PTPRB: variants seen among roughly 807,000 people sequenced by gnomAD.
The protein encoded by PTPRB is receptor-type tyrosine-protein phosphatase beta.
A neutral mutation model predicts 238.1 loss-of-function variants in PTPRB; 97 were observed. The ratio of observed to expected loss-of-function variants is 0.41; its 90% CI spans 0.35 to 0.48. The LOEUF is 0.48. Ranked by LOEUF, PTPRB falls within the 20% of genes least tolerant of loss-of-function variation. The pLI is 0.30. For synonymous variants in PTPRB, 970 were observed against 995.4 expected (o/e 0.97, Z 0.48); for missense variants, 2,292 against 2,681.9 (o/e 0.85, Z 3.21).
intron 31 of PTPRB, among the ~76,000 whole-genome samples, chr12:70,534,185 C>G (rs948476949): frequency 2.0e-5 from 3 of 152,080 alleles, no homozygotes; most frequent in African/African-American, 7.2e-5. Flanking sequence ...TGATGGAAAG[C>G]ATGGAATTCC....
At position 70,610,650 on chromosome 12, in the gene PTPRB, C is replaced by T. The variant is rs77422728; in HGVS notation, c.709-1311G>A. ...GACCCCAAAAGGATTGTCAGCTTGA[C>T]CATTCTTTTCTCCCAATCACTTTCC... On this transcript the variant is annotated intron_variant, in intron 3 of 33. Transcript: ENST00000334414. Among the ~76,000 whole-genome samples, 336 of 152,262 alleles carry T rather than the reference C, an allele frequency of 2.2e-3. 3 individuals are homozygous for T. Among genetic ancestry groups the T allele is most frequent in the African/African-American group, 6.9e-3 (285 of 41,544 alleles).
At chr12:70,624,489 A>G (rs1028580298) in intron 2 of PTPRB, among the ~76,000 whole-genome samples, 3 of 152,178 alleles carry the variant, frequency 2.0e-5, no homozygotes, top group South Asian at 2.1e-4. Context: ...TGTTTTCTAC[A>G]TGACAAACTC....
chr12:70,596,256 T>A lies in PTPRB; in HGVS notation c.1051A>T (p.Thr351Ser). 1 of 1,611,336 alleles carries A rather than the reference T, an allele frequency of 6.2e-7. No homozygotes were observed. The highest frequency in any genetic ancestry group is 2.2e-5 in the East Asian group (1 of 44,758). ...TTSTSLHVWW[T>S]PSSGKVTSYE... is the part of the protein sequence containing the mutation. Reference sequence around the variant, plus strand: ...GAGGTGACTTTTCCGGAAGAAGGAGTCCACCAAACATGCAAGCTGGTTGAA... The same window carrying A: ...GAGGTGACTTTTCCGGAAGAAGGAGACCACCAAACATGCAAGCTGGTTGAA... Residue 351 changes from threonine (T) to serine (S), a missense_variant, in exon 5 of 34, where the codon ACT becomes TCT. Around this residue, in one of 4 missense-constraint regions of PTPRB, gnomAD observed 1,205 missense variants for 1,287.8 expected, o/e 0.94. Coordinates refer to ENST00000334414, the MANE Select transcript of PTPRB (RefSeq NM_001109754.4).
In PTPRB at chr12:70,560,765, C is replaced by A; in HGVS notation, c.4338G>T (p.Arg1446=). 1 of 1,613,978 alleles carries A rather than the reference C, an allele frequency of 6.2e-7. No homozygotes were observed. Among genetic ancestry groups the A allele is most frequent in the Non-Finnish European group, 8.5e-7 (1 of 1,179,884 alleles). ...TCCTTCCAGGAACAAGGCCTTGAAA[C>A]CGCCACTCCGTCAGGTCCTTGTCTT... ...NWKDKDLTEW[R]FQGLVPGRKY... The change falls in exon 17 of 34, where the codon CGG becomes CGT. Residue 1446 remains arginine, a synonymous_variant. Transcript: ENST00000334414. This position sits in a 1 kb window ranked among gnomAD's most constrained non-coding sequence, Gnocchi z 4.2.
intron 13 of PTPRB, among the ~76,000 whole-genome samples, chr12:70,570,209 GT>G (rs1328522031): frequency 3.9e-5 from 6 of 152,108 alleles, no homozygotes; most frequent in African/African-American, 7.2e-5. Context: ...CCAAGTTTTG[GT>G]TTTCTCACTC....
Position 70,544,671 on chromosome 12 carries a change from G to A in PTPRB, c.5388-8C>T. On this transcript the variant is annotated splice_polypyrimidine_tract_variant and splice_region_variant and intron_variant, in intron 21 of 33. Coordinates refer to ENST00000334414, the MANE Select transcript of PTPRB (RefSeq NM_001109754.4). Reference sequence around the variant, plus strand: ...AAAGCTCGAATGCTGATTCTGAAAAGAAAACCGATTTATTTAAATATAAAT... The same window carrying A: ...AAAGCTCGAATGCTGATTCTGAAAAAAAAACCGATTTATTTAAATATAAAT... The A allele has an allele frequency of 6.5e-7, 1 of 1,545,742 alleles. No homozygotes were observed. The highest frequency in any genetic ancestry group is 8.7e-7 in the Non-Finnish European group (1 of 1,146,200).
intron 32 of PTPRB, among the ~76,000 whole-genome samples, chr12:70,530,031 T>A (rs1384277557): frequency 6.6e-6 from 1 of 152,044 alleles, no homozygotes; most frequent in Non-Finnish European, 1.5e-5. Flanking sequence ...TGTGGGAAAA[T>A]CTGCCGAAGA....
At chr12:70,586,529 T>C (rs1368631135) in intron 9 of PTPRB, among the ~76,000 whole-genome samples, 2 of 152,178 alleles carry the variant, frequency 1.3e-5, no homozygotes, top group Non-Finnish European at 2.9e-5. Flanking sequence ...CTAAAGCCAA[T>C]TCCTTCACTT....
intron 4 of PTPRB, among the ~76,000 whole-genome samples, chr12:70,603,593 G>A (rs1566002476): frequency 6.6e-6 from 1 of 152,116 alleles, no homozygotes; most frequent in African/African-American, 2.4e-5. Flanking sequence ...GTGTGAATTC[G>A]TAAACATTGT....
At chr12:70,561,286 T>C (rs1288044182) in intron 16 of PTPRB, among the ~76,000 whole-genome samples, 2 of 152,162 alleles carry the variant, frequency 1.3e-5, no homozygotes, top group Non-Finnish European at 2.9e-5. Flanking sequence ...GCCTATCTCA[T>C]TGCAGCCACC....
At chr12:70,542,747 C>T (rs868705957) in intron 22 of PTPRB, 8 of 143,522 alleles carry the variant, frequency 5.6e-5, no homozygotes, top group African/African-American at 1.8e-4. Flanking sequence ...ATTAGCCAGG[C>T]GTGGTGGCGG....
In PTPRB at chr12:70,522,859, T is replaced by C. The variant is rs1871807729; in HGVS notation, c.6626-1348A>G. 7.7e-5 allele frequency among the ~76,000 whole-genome samples: 9 copies of C among 116,568 alleles called. No homozygotes were observed. The South Asian group carries it at 2.2e-3, about 29-fold the overall frequency. The allele number at this position is 116,568 out of a possible 152,430, so 76.5% of individuals were successfully genotyped here. A position where few individuals can be genotyped will look rare whatever the true frequency, so the allele number is the denominator to read the frequency against. On this transcript the variant is annotated intron_variant, in intron 33 of 33. Transcript: ENST00000334414. ...CAAAAATAGCATTCTTTTGTTTGTT[T>C]TTTCTTTTTTTTTTTTTTTTTGAGA...
chr12:70,635,792 A>G lies in PTPRB; in HGVS notation c.330T>C (p.Phe110=). 6.2e-7 allele frequency: 1 copy of G among 1,613,622 alleles called. No individual in the cohort carries two copies. ...CTACTCTGGAGCCTTGTTTCTGGAG[A>G]AAGAGAGAGGCATTTTCCACCTCAA... ...GFLEVENASL[F]LQKQGSRVVV... Residue 110 remains phenylalanine (F), a synonymous_variant, in exon 2 of 34, where the codon TTT becomes TTC. Transcript: ENST00000334414.
intron 32 of PTPRB, among the ~76,000 whole-genome samples, chr12:70,527,486 A>G (rs1162821205): frequency 6.7e-6 from 1 of 149,500 alleles, no homozygotes; most frequent in African/African-American, 2.5e-5. Flanking sequence ...TTAGTCCTAC[A>G]ACATCTCAGT....
chr12:70,536,181 G>A (rs1421193052), intron 28 of PTPRB, 22 bp from the exon 29 acceptor site: 4 of 1,607,572 alleles, frequency 2.5e-6, no homozygotes, highest in Admixed American at 3.4e-5. Flanking sequence ...TTACAATATG[G>A]AGAGTCAGAA....
chr12:70,536,272 A>G, intron 28 of PTPRB, 113 bp from the exon 29 acceptor site: 1 of 1,230,530 alleles, frequency 8.1e-7, no homozygotes, highest in Non-Finnish European at 1.1e-6. Context: ...CTCTGACTTC[A>G]GAAAAAGATA....
intron 32 of PTPRB, among the ~76,000 whole-genome samples, chr12:70,530,524 A>C (rs1415310137): frequency 6.6e-6 from 1 of 151,774 alleles, no homozygotes; most frequent in African/African-American, 2.4e-5. Flanking sequence ...ACGTGTACAC[A>C]TACATATGTG....
At chr12:70,526,994 A>G (rs2136206703) in intron 32 of PTPRB, among the ~76,000 whole-genome samples, 1 of 152,342 alleles carries the variant, frequency 6.6e-6, no homozygotes. Flanking sequence ...GAGATTGTTA[A>G]TGTGCTTCTC....
At chr12:70,535,399 G>A (rs905662798) in intron 29 of PTPRB, among the ~76,000 whole-genome samples, 3 of 151,938 alleles carry the variant, frequency 2.0e-5, no homozygotes, top group Non-Finnish European at 4.4e-5. Context: ...TCCTAACGTG[G>A]GCCGTGTGCC....
Sources: allele counts gnomAD v4.1 joint callset (sites outside exome capture counted in the v4.1 genomes callset), GRCh38; gene constraint gnomAD v4.1.1; regional missense constraint gnomAD v4.1.1; non-coding constraint Gnocchi (gnomAD v3.1); transcripts MANE v1.5; gene names NCBI Gene and HGNC (gene_info 2026-07-23, HGNC 2026-07-21).